Variants in NFIB observed in about 807,000 individuals in gnomAD.
NFIB encodes nuclear factor 1 B-type.
In NFIB, 11 loss-of-function variants were observed where a neutral mutation model predicts 61.5. That is an observed-to-expected ratio of 0.18 (90% CI 0.11 to 0.30). The LOEUF is 0.30. NFIB is among the 10% of genes least tolerant of loss of function. NFIB has a pLI of 1.00. For missense variants in NFIB, 471 were observed against 608.9 expected, an observed-to-expected ratio of 0.77 and a Z score of 2.38; for synonymous variants, 260 against 216.5, an observed-to-expected ratio of 1.20 and a Z score of -1.76.
At chr9:14,229,264 T>TA (rs1376253609) in intron 2 of NFIB, among the ~76,000 whole-genome samples, 1 of 152,184 alleles carries the variant, frequency 6.6e-6, no homozygotes, top group East Asian at 1.9e-4. Context: ...ATCAGGTTGT[T>TA]ACACCAGCAC....
At chr9:14,115,609 T>A (rs896061645) in intron 9 of NFIB, among the ~76,000 whole-genome samples, 1 of 152,032 alleles carries the variant, frequency 6.6e-6, no homozygotes, top group African/African-American at 2.4e-5. Flanking sequence ...AGCAAAATAA[T>A]CAAAAGGTTT....
chr9:14,255,180 A>G (rs549724611), intron 2 of NFIB, among the ~76,000 whole-genome samples: 2 of 152,300 alleles, frequency 1.3e-5, no homozygotes, highest in African/African-American at 4.8e-5. Flanking sequence ...CTATGATCAC[A>G]CCACTGAACT....
intron 1 of NFIB, among the ~76,000 whole-genome samples, chr9:14,387,353 C>T (rs1448329868): frequency 6.6e-6 from 1 of 152,190 alleles, no homozygotes; most frequent in East Asian, 1.9e-4. Flanking sequence ...CCATGAGCCT[C>T]ACATTTCTCC....
At chr9:14,459,536 G>C in the NFIB span, among the ~76,000 whole-genome samples, 4 of 152,056 alleles carry the variant, frequency 2.6e-5, no homozygotes, top group Non-Finnish European at 5.9e-5. Flanking sequence ...TTAAACTAAA[G>C]AGCTTCTGCA....
intron 2 of NFIB, chr9:14,205,162 G>C (rs535850133): frequency 7.3e-6 from 1 of 137,040 alleles, no homozygotes; most frequent in African/African-American, 2.8e-5. Flanking sequence ...CAGATACATA[G>C]TCTCTGTGAG....
chr9:14,480,252 C>CAATT, the NFIB span, among the ~76,000 whole-genome samples: 2 of 152,038 alleles, frequency 1.3e-5, no homozygotes, highest in Non-Finnish European at 2.9e-5. Context: ...GGTCATAGGG[C>CAATT]AATTACCTTG....
intron 1 of NFIB, among the ~76,000 whole-genome samples, chr9:14,381,088 A>G (rs1031361256): frequency 1.4e-5 from 2 of 145,270 alleles, no homozygotes; most frequent in Non-Finnish European, 3.0e-5. Flanking sequence ...AAAAAAAAAA[A>G]AAAAAAAAGA....
At chr9:14,382,120 G>A (rs2061494976) in intron 1 of NFIB, among the ~76,000 whole-genome samples, 1 of 152,202 alleles carries the variant, frequency 6.6e-6, no homozygotes, top group Non-Finnish European at 1.5e-5. Flanking sequence ...AGACAAAAAG[G>A]CAACTGGCCT....
the NFIB span, among the ~76,000 whole-genome samples, chr9:14,452,719 C>G: frequency 6.6e-6 from 1 of 152,140 alleles, no homozygotes; most frequent in African/African-American, 2.4e-5. Context: ...GCTCTGTAAG[C>G]TAAACAAATA....
chr9:14,255,122 C>A (rs2056090726), intron 2 of NFIB, among the ~76,000 whole-genome samples: 1 of 152,002 alleles, frequency 6.6e-6, no homozygotes, highest in Admixed American at 6.6e-5. Context: ...TCTTGGGAGG[C>A]TAAAGTTGGA....
intron 7 of NFIB, among the ~76,000 whole-genome samples, chr9:14,124,759 C>CA (rs2039411502): frequency 6.6e-6 from 1 of 152,068 alleles, no homozygotes; most frequent in African/African-American, 2.4e-5. Context: ...GGTTAAAGTA[C>CA]AAATGTCAAA....
chr9:14,339,295 T>C (rs1002814138), intron 1 of NFIB, among the ~76,000 whole-genome samples: 2 of 152,242 alleles, frequency 1.3e-5, no homozygotes, highest in Non-Finnish European at 2.9e-5. Flanking sequence ...GTGATTATTA[T>C]TGTTGTTCAG....
chr9:14,483,136 GAAAC>G, the NFIB span, among the ~76,000 whole-genome samples: 1 of 152,088 alleles, frequency 6.6e-6, no homozygotes, highest in East Asian at 1.9e-4. Context: ...TGTTCGAAAA[GAAAC>G]AGAACTGTAT....
the NFIB span, among the ~76,000 whole-genome samples, chr9:14,495,445 A>AATTTTTTTT: frequency 2.0e-5 from 2 of 98,094 alleles, no homozygotes; most frequent in Admixed American, 1.0e-4. Flanking sequence ...AGAGAAATGA[A>AATTTTTTTT]CTTTTTTTTT....
At chr9:14,532,004 C>G in the NFIB span, 1 of 152,868 alleles carries the variant, frequency 6.5e-6, no homozygotes, top group African/African-American at 2.4e-5. Context: ...TGGAGCTGTC[C>G]GACGTTTTCC....
At chr9:14,141,264 G>A (rs1377127751) in intron 6 of NFIB, among the ~76,000 whole-genome samples, 2 of 152,072 alleles carry the variant, frequency 1.3e-5, no homozygotes, top group Non-Finnish European at 2.9e-5. Flanking sequence ...TAACAGAACT[G>A]GAGACTTGTA....
intron 1 of NFIB, among the ~76,000 whole-genome samples, chr9:14,360,548 CTT>C (rs545386396): frequency 5.0e-5 from 7 of 140,472 alleles, no homozygotes; most frequent in Non-Finnish European, 6.2e-5. Context: ...CTGTTTTTTT[CTT>C]TTTTTTTTTT....
chr9:14,132,988 T>C (rs575416598), intron 6 of NFIB, among the ~76,000 whole-genome samples: 2 of 152,270 alleles, frequency 1.3e-5, no homozygotes, highest in Admixed American at 1.3e-4. Flanking sequence ...TCTGGTATGA[T>C]ACTGACCAGA....
chr9:14,150,319 A>G, intron 4 of NFIB, 54 bp from the exon 5 acceptor site: 1 of 1,608,618 alleles, frequency 6.2e-7, no homozygotes, highest in South Asian at 1.1e-5. Context: ...TCTGACCTCT[A>G]TTCAAATGTA....
Sources: allele counts gnomAD v4.1 joint callset (sites outside exome capture counted in the v4.1 genomes callset), GRCh38; gene constraint gnomAD v4.1.1; transcripts MANE v1.5; gene names NCBI Gene and HGNC (gene_info 2026-07-23, HGNC 2026-07-21).